Variants in FEZ1 observed in about 807,000 individuals in gnomAD.
The protein encoded by FEZ1 is fasciculation and elongation protein zeta-1.
Under a neutral mutation model 49.3 loss-of-function variants are expected in FEZ1, and 20 were observed. That is an observed-to-expected ratio of 0.41 (90% confidence interval 0.29 to 0.59). FEZ1 has a LOEUF of 0.59. Ranked by LOEUF, FEZ1 falls within the 20% of genes least tolerant of loss-of-function variation. FEZ1 has a pLI of 0.36. For synonymous variants in FEZ1, 170 were observed against 180.9 expected (o/e 0.94, Z 0.48); for missense variants, 413 against 476.0 (o/e 0.87, Z 1.23).
intron 3 of FEZ1, among the ~76,000 whole-genome samples, chr11:125,468,665 A>T (rs955927120): frequency 1.3e-5 from 2 of 152,180 alleles, no homozygotes; most frequent in Non-Finnish European, 2.9e-5. Flanking sequence ...AGAAAAGGCA[A>T]CAGCAAGAGA....
chr11:125,495,900 G>A lies in FEZ1; in HGVS notation c.-46+221C>T. ...AGTGCCCATCATCCCACATCTCCAG[G>A]GCCTGGCGCGGCGTCCCAGCTGCGC... is the stretch of plus-strand genomic sequence containing the variant. On this transcript the variant is annotated intron_variant, in intron 1 of 9. Transcript: ENST00000278919. The surrounding 1 kb of genome is among the most constrained non-coding windows in gnomAD (Gnocchi z 4.2). 3.7e-6 allele frequency: 1 copy of A among 272,338 alleles called. No homozygotes were observed. The highest frequency in any genetic ancestry group is 7.2e-6 in the Non-Finnish European group (1 of 139,316). The allele number at this position is 272,338 out of a possible 1,614,324, so 16.9% of individuals were successfully genotyped here.
At chr11:125,471,309 T>C (rs1469571103) in intron 3 of FEZ1, among the ~76,000 whole-genome samples, 3 of 151,868 alleles carry the variant, frequency 2.0e-5, no homozygotes, top group African/African-American at 7.3e-5. Flanking sequence ...CTAAACACAA[T>C]AATCAAGAAG....
intron 8 of FEZ1, among the ~76,000 whole-genome samples, chr11:125,452,056 A>G (rs1956962966): frequency 6.6e-6 from 1 of 152,174 alleles, no homozygotes; most frequent in South Asian, 2.1e-4. Context: ...AGTCCCCTGC[A>G]CCAGCACCCC....
chr11:125,495,598 G>A lies in FEZ1; in HGVS notation c.-46+523C>T, dbSNP rs1957455239. The A allele has an allele frequency of 4.3e-6, 2 of 468,346 alleles. No homozygotes were observed. Among genetic ancestry groups the A allele is most frequent in the Non-Finnish European group, 8.9e-6 (2 of 225,682 alleles). The allele number at this position is 468,346 out of a possible 1,614,324, so 29.0% of individuals were successfully genotyped here. A position where few individuals can be genotyped will look rare whatever the true frequency, so the allele number is the denominator to read the frequency against. ...GGAAGGCTCCGCACTCTGGGGAGGG[G>A]CACGAGCGGGGTCGGGGGTAAGTTT... On this transcript the variant is annotated intron_variant, in intron 1 of 9. Coordinates refer to ENST00000278919, the MANE Select transcript of FEZ1 (RefSeq NM_005103.5). The surrounding 1 kb of genome is among the most constrained non-coding windows in gnomAD (Gnocchi z 4.2).
intron 2 of FEZ1, among the ~76,000 whole-genome samples, chr11:125,484,509 T>G (rs908949404): frequency 7.2e-5 from 11 of 152,136 alleles, no homozygotes; most frequent in Admixed American, 2.0e-4. Flanking sequence ...AAACTGGCTC[T>G]GCGTGAAAAT....
rs567166253 is a variant in FEZ1 at position 125,444,893 on chromosome 11, G to C, written c.*1202C>G. Among the ~76,000 whole-genome samples, 3 of 152,222 alleles carry C rather than the reference G, an allele frequency of 2.0e-5. No individual in the cohort carries two copies. ...TCATACTAGCACCTGTTTACACGTG[G>C]TGATGCTGTGATGTGTGCTAATGCA... On this transcript the variant is annotated 3_prime_UTR_variant, in exon 10 of 10. Coordinates refer to ENST00000278919, the MANE Select transcript of FEZ1 (RefSeq NM_005103.5).
chr11:125,474,329 C>T (rs141840296), intron 3 of FEZ1, among the ~76,000 whole-genome samples: 16 of 151,458 alleles, frequency 1.1e-4, no homozygotes, highest in African/African-American at 3.1e-4. Flanking sequence ...TGAGCTACCA[C>T]GCCCGGCCTA....
chr11:125,458,785 C>T (rs1422773416), intron 5 of FEZ1, among the ~76,000 whole-genome samples: 1 of 152,104 alleles, frequency 6.6e-6, no homozygotes, highest in Admixed American at 6.6e-5. Flanking sequence ...ATATAATCAT[C>T]GGGCCGGGCG....
chr11:125,488,677 C>T lies in FEZ1; in HGVS notation c.311+790G>A, dbSNP rs965525476. ...CCTGGGCGATAGAATGAAACTTCAT[C>T]TCAAAAAAAAACAAAACAAAACAAA... On this transcript the variant is annotated intron_variant, in intron 2 of 9. Transcript: ENST00000278919. 5 of 976,560 alleles carry T rather than the reference C, an allele frequency of 5.1e-6. No individual in the cohort carries two copies. The Admixed American group carries it at 3.1e-4, about 60-fold the overall frequency. The allele number at this position is 976,560 out of a possible 1,614,324, so 60.5% of individuals were successfully genotyped here. A position where few individuals can be genotyped will look rare whatever the true frequency, so the allele number is the denominator to read the frequency against.
chr11:125,487,931 C>G (rs1957340878), intron 2 of FEZ1, among the ~76,000 whole-genome samples: 1 of 152,158 alleles, frequency 6.6e-6, no homozygotes, highest in South Asian at 2.1e-4. Flanking sequence ...GGTTCCAATC[C>G]TCTAGGACGT....
intron 3 of FEZ1, among the ~76,000 whole-genome samples, chr11:125,478,889 T>A (rs1957255791): frequency 6.6e-6 from 1 of 152,224 alleles, no homozygotes; most frequent in South Asian, 2.1e-4. Context: ...CAAAATGAGT[T>A]GGAAAGGTGT....
At chr11:125,469,884 G>GT (rs60710730) in intron 3 of FEZ1, among the ~76,000 whole-genome samples, 6 of 151,152 alleles carry the variant, frequency 4.0e-5, no homozygotes, top group South Asian at 2.1e-4. Context: ...CTACCTTTTT[G>GT]TTTTTTTTGT....
chr11:125,473,258 T>C (rs1484870087), intron 3 of FEZ1, among the ~76,000 whole-genome samples: 1 of 152,198 alleles, frequency 6.6e-6, no homozygotes, highest in African/African-American at 2.4e-5. Flanking sequence ...CATGATCAAT[T>C]GATTTTCAAC....
intron 3 of FEZ1, 104 bp from the exon 4 acceptor site, chr11:125,463,674 C>T: frequency 1.4e-6 from 1 of 727,458 alleles, no homozygotes; most frequent in East Asian, 2.5e-5. Context: ...CCACTCCAGC[C>T]AGCTGCTGTC....
chr11:125,475,234 C>G (rs1315107909), intron 3 of FEZ1, among the ~76,000 whole-genome samples: 1 of 151,210 alleles, frequency 6.6e-6, no homozygotes, highest in Non-Finnish European at 1.5e-5. Flanking sequence ...TGAGCCACTG[C>G]CCTCCAGACT....
chr11:125,461,307 G>A lies in FEZ1; in HGVS notation c.499-641C>T, dbSNP rs367852507. The stretch of plus-strand genomic sequence containing the variant: ...GGGAAAATTAGATATCTGCCAAAAG[G>A]AACAAAAGTGAATTACTAGCTGGGC... On this transcript the variant is annotated intron_variant, in intron 4 of 9. Transcript: ENST00000278919. Among the ~76,000 whole-genome samples, 62 of 152,252 alleles carry A rather than the reference G, an allele frequency of 4.1e-4. No homozygotes were observed. In the South Asian group the frequency reaches 7.5e-3, roughly 18 times the overall value.
In FEZ1 at chr11:125,480,591, C is replaced by T. The variant is rs921101170; in HGVS notation, c.411+943G>A. Among the ~76,000 whole-genome samples the T allele has an allele frequency of 1.1e-4, 17 of 152,264 alleles. 1 individual carries two copies. The highest frequency in any genetic ancestry group is 3.9e-4 in the African/African-American group (16 of 41,552). On this transcript the variant is annotated intron_variant, in intron 3 of 9. Transcript: ENST00000278919. ...CAAGAGAAGCCCATGACAGTTTCCT[C>T]CTCTTATTTCCGGCCTGAACTGTTC... is the stretch of plus-strand genomic sequence containing the variant.
chr11:125,490,239 G>A (rs12279318), intron 1 of FEZ1, among the ~76,000 whole-genome samples: 4 of 152,102 alleles, frequency 2.6e-5, no homozygotes, highest in Non-Finnish European at 5.9e-5. Flanking sequence ...TATGTGATCT[G>A]AAAGCTGAAA....
chr11:125,487,336 T>C (rs1474752070), intron 2 of FEZ1, among the ~76,000 whole-genome samples: 1 of 152,182 alleles, frequency 6.6e-6, no homozygotes. Context: ...TCATCAAGAT[T>C]GAGCTCTGGA....
Sources: gnomAD v4.1 joint callset for allele counts (sites outside exome capture counted in the v4.1 genomes callset) on GRCh38, gnomAD v4.1.1 for gene constraint, Gnocchi (gnomAD v3.1) non-coding constraint, MANE v1.5 for transcripts, NCBI Gene and HGNC (gene_info 2026-07-23, HGNC 2026-07-21) for gene names.